Variants in TENM2 observed in about 807,000 individuals in gnomAD.
TENM2 encodes teneurin-2.
In TENM2, 52 loss-of-function variants were observed where a neutral mutation model predicts 245.2. That is an observed-to-expected ratio of 0.21 (90% CI 0.17 to 0.27). The LOEUF (loss-of-function observed/expected upper bound fraction) is 0.27. Among genes scored for constraint, TENM2 ranks in the 10% least tolerant of loss-of-function variants. The pLI, the probability that TENM2 is intolerant of heterozygous loss-of-function variation, is 1.00. For missense variants in TENM2, 3,046 were observed against 3,666.8 expected, an observed-to-expected ratio of 0.83 and a Z score of 4.37; for synonymous variants, 1,363 against 1,438.9, an observed-to-expected ratio of 0.95 and a Z score of 1.19.
At chr5:167,831,682 T>C (rs1203221511) in intron 2 of TENM2, among the ~76,000 whole-genome samples, 2 of 152,150 alleles carry the variant, frequency 1.3e-5, no homozygotes, top group East Asian at 1.9e-4. Flanking sequence ...AGAAAGATCA[T>C]CATTTGTCAA....
chr5:167,285,098 C>A (rs1371152189), intron 1 of TENM2, 35 bp downstream of exon 3: 9 of 1,477,774 alleles, frequency 6.1e-6, no homozygotes, highest in Non-Finnish European at 8.3e-6. Flanking sequence ...TTGCTCTCAA[C>A]TGTCTAACTT....
intron 5 of TENM2, among the ~76,000 whole-genome samples, chr5:168,039,622 T>G (rs1296189207): frequency 6.6e-6 from 1 of 152,084 alleles, no homozygotes; most frequent in Admixed American, 6.5e-5. Context: ...GGCTAATGGC[T>G]CCAGGCTTGT....
chr5:167,710,667 G>T (rs1675384001), intron 2 of TENM2, among the ~76,000 whole-genome samples: 1 of 152,154 alleles, frequency 6.6e-6, no homozygotes, highest in Non-Finnish European at 1.5e-5. Context: ...AGGGAAAGAT[G>T]AAAGGGCAGA....
At chr5:168,090,691 G>A (rs1459673896) in exon 8 of TENM2, 1 of 1,613,948 alleles carries the variant, frequency 6.2e-7, no homozygotes, top group African/African-American at 1.3e-5. Flanking sequence ...GCAGTACCTG[G>A]ATGTGGGCCT....
rs72645746 is a variant in TENM2 at position 167,322,360 on chromosome 5, C to T, written c.226+37297C>T. Among the ~76,000 whole-genome samples, 2,780 of 152,128 alleles carry T rather than the reference C, an allele frequency of 0.018. 197 individuals carry two copies. The East Asian group carries it at 0.23, about 12-fold the overall frequency. On this transcript the variant is annotated intron_variant, in intron 1 of 28. Transcript: ENST00000518659. ...TTCTGGCCCTGTTAGCCACCCATAC[C>T]GTGGAGAGAGAATCTCTGCATTTCC...
rs189544591 is a variant in TENM2, at chr5:168,076,508, G to C, written c.1516-14066G>C. Among the ~76,000 whole-genome samples, 319 of 152,144 alleles carry C rather than the reference G, an allele frequency of 2.1e-3. 1 individual carries two copies. The highest frequency in any genetic ancestry group is 7.3e-3 in the African/African-American group (302 of 41,502). On this transcript the variant is annotated intron_variant, in intron 7 of 28. Coordinates refer to ENST00000518659, the Ensembl canonical transcript of TENM2. ...CAAAGTGCTGGGATTACCGGCGTGA[G>C]CCACTACACCTGGCTGGTTTGCTTT...
At chr5:167,698,648 CTGTG>C (rs1205927710) in intron 2 of TENM2, among the ~76,000 whole-genome samples, 7 of 136,456 alleles carry the variant, frequency 5.1e-5, no homozygotes, top group Admixed American at 1.4e-4. Context: ...AATAGTTTTT[CTGTG>C]TGTGTGTGTG....
intron 5 of TENM2, among the ~76,000 whole-genome samples, chr5:168,022,335 A>G (rs969974286): frequency 2.0e-5 from 3 of 152,182 alleles, no homozygotes; most frequent in Admixed American, 6.5e-5. Flanking sequence ...GGAGAAGTTG[A>G]CAGATTGTGA....
chr5:167,194,089 G>A, the TENM2 span, among the ~76,000 whole-genome samples: 1 of 151,732 alleles, frequency 6.6e-6, no homozygotes, highest in Admixed American at 6.6e-5. Context: ...CACTGCTATT[G>A]TGCCAAATGA....
chr5:167,952,424 C>A, intron 3 of TENM2, 164 bp from the exon 6 acceptor site: 1 of 615,350 alleles, frequency 1.6e-6, no homozygotes, highest in Non-Finnish European at 2.9e-6. Context: ...TTATTTGTAA[C>A]TGACTCTGGG....
At chr5:166,990,053 T>C in the TENM2 span, among the ~76,000 whole-genome samples, 1 of 152,122 alleles carries the variant, frequency 6.6e-6, no homozygotes, top group Non-Finnish European at 1.5e-5. Flanking sequence ...ATGTTAATCA[T>C]AGGAATTCTG....
At chr5:167,581,043 C>T (rs1775058855) in intron 2 of TENM2, among the ~76,000 whole-genome samples, 1 of 152,132 alleles carries the variant, frequency 6.6e-6, no homozygotes, top group African/African-American at 2.4e-5. Context: ...CTCTCATATT[C>T]ACGTACATCA....
intron 2 of TENM2, among the ~76,000 whole-genome samples, chr5:167,620,274 G>A (rs1778074704): frequency 6.6e-6 from 1 of 152,104 alleles, no homozygotes; most frequent in Non-Finnish European, 1.5e-5. Flanking sequence ...GGGAGCACTT[G>A]GAGGGGGAAA....
the TENM2 span, among the ~76,000 whole-genome samples, chr5:167,267,104 C>T: frequency 3.3e-4 from 51 of 152,258 alleles, no homozygotes; most frequent in East Asian, 1.4e-3. Context: ...GGCATGTTAT[C>T]GTGCTGGTGA....
chr5:167,257,809 G>A, the TENM2 span, among the ~76,000 whole-genome samples: 1 of 152,112 alleles, frequency 6.6e-6, no homozygotes, highest in East Asian at 1.9e-4. Context: ...GAAAAAGAAT[G>A]TAGTGATTAA....
intron 2 of TENM2, among the ~76,000 whole-genome samples, chr5:167,510,419 A>T (rs751633614): frequency 3.9e-5 from 6 of 152,232 alleles, no homozygotes; most frequent in Non-Finnish European, 7.3e-5. Context: ...ACCCATTTGT[A>T]GAGCTCACCT....
chr5:167,604,134 GA>G (rs1165236707), intron 2 of TENM2, among the ~76,000 whole-genome samples: 4 of 151,792 alleles, frequency 2.6e-5, no homozygotes, highest in African/African-American at 4.8e-5. Flanking sequence ...GAGAGGAAAA[GA>G]AAAAAATAAA....
the TENM2 span, among the ~76,000 whole-genome samples, chr5:166,999,604 G>T: frequency 6.6e-6 from 1 of 152,116 alleles, no homozygotes; most frequent in African/African-American, 2.4e-5. Flanking sequence ...TTAGGAAAAG[G>T]GGTCAGCGTG....
chr5:167,302,145 G>A (rs536864000), intron 1 of TENM2, among the ~76,000 whole-genome samples: 1 of 152,302 alleles, frequency 6.6e-6, no homozygotes, highest in Admixed American at 6.5e-5. Context: ...AGGCACCTCA[G>A]ACCGTTTGCC....
Sources: gnomAD v4.1 joint callset for allele counts (sites outside exome capture counted in the v4.1 genomes callset) on GRCh38, gnomAD v4.1.1 for gene constraint, MANE v1.5 for transcripts, NCBI Gene and HGNC (gene_info 2026-07-23, HGNC 2026-07-21) for gene names.